PVT1: variants seen among roughly 807,000 people sequenced by gnomAD.
PVT1 encodes CXCR4/PVT1 fusion.
intron 2 of PVT1, among the ~76,000 whole-genome samples, chr8:127,856,136 TTTCCATACCTGCC>T (rs1815157319): frequency 6.6e-6 from 1 of 152,162 alleles, no homozygotes; most frequent in Non-Finnish European, 1.5e-5. Flanking sequence ...AAAGGAAGAA[TTTCCATACCTGCC>T]CTCTACCCAA....
chr8:127,915,169 A>G (rs1392911335), intron 3 of PVT1, among the ~76,000 whole-genome samples: 2 of 151,954 alleles, frequency 1.3e-5, no homozygotes, highest in Non-Finnish European at 2.9e-5. Context: ...ATGTTTTGGA[A>G]CCAGATAGAC....
intron 4 of PVT1, among the ~76,000 whole-genome samples, chr8:128,067,474 G>A (rs996897783): frequency 2.0e-5 from 3 of 152,144 alleles, no homozygotes; most frequent in African/African-American, 7.2e-5. Flanking sequence ...CTAATCAAAA[G>A]GTCTATATTG....
intron 2 of PVT1, among the ~76,000 whole-genome samples, chr8:127,862,653 C>T (rs1586411480): frequency 1.3e-5 from 2 of 152,236 alleles, no homozygotes; most frequent in Non-Finnish European, 2.9e-5. Flanking sequence ...AACTCCTGGC[C>T]TCGGGCAATC....
chr8:127,814,537 T>C (rs1814637681), intron 2 of PVT1, among the ~76,000 whole-genome samples: 1 of 152,246 alleles, frequency 6.6e-6, no homozygotes, highest in South Asian at 2.1e-4. Flanking sequence ...CTGCAGGTTT[T>C]GGCTAATTTA....
chr8:127,827,327 C>T (rs1180356900), intron 2 of PVT1, among the ~76,000 whole-genome samples: 2 of 150,766 alleles, frequency 1.3e-5, no homozygotes, highest in East Asian at 3.9e-4. Flanking sequence ...CTCACATGGA[C>T]TGTCTGCTGT....
At chr8:127,811,959 C>A (rs942542385) in intron 2 of PVT1, among the ~76,000 whole-genome samples, 2 of 151,860 alleles carry the variant, frequency 1.3e-5, no homozygotes, top group Non-Finnish European at 2.9e-5. Flanking sequence ...AAGAAATGAA[C>A]CTTCAGGTGT....
chr8:128,003,383 T>C (rs1817207679), intron 4 of PVT1, among the ~76,000 whole-genome samples: 1 of 151,828 alleles, frequency 6.6e-6, no homozygotes, highest in Admixed American at 6.6e-5. Context: ...CTTCTCTTTG[T>C]TGTCCAGGCT....
At chr8:128,069,384 A>G (rs1563679844) in intron 4 of PVT1, among the ~76,000 whole-genome samples, 1 of 152,178 alleles carries the variant, frequency 6.6e-6, no homozygotes, top group Non-Finnish European at 1.5e-5. Flanking sequence ...CCCATGTTCC[A>G]CTAGGAATGA....
chr8:128,060,121 C>T (rs137865023), intron 4 of PVT1, among the ~76,000 whole-genome samples: 7,105 of 152,052 alleles, frequency 0.047, 268 homozygotes, highest in African/African-American at 0.1. Context: ...CTGGGTGTGG[C>T]AGCGTGCACC....
chr8:127,910,856 A>G (rs909735401), intron 3 of PVT1, among the ~76,000 whole-genome samples: 2 of 151,726 alleles, frequency 1.3e-5, no homozygotes, highest in Non-Finnish European at 2.9e-5. Flanking sequence ...AGTTTGTGCT[A>G]TTAACCATTA....
intron 4 of PVT1, among the ~76,000 whole-genome samples, chr8:127,994,909 A>G (rs1817088074): frequency 6.6e-6 from 1 of 152,222 alleles, no homozygotes; most frequent in African/African-American, 2.4e-5. Flanking sequence ...ATGAGGCCCA[A>G]CCCACATTGA....
At chr8:127,854,286 G>A (rs1487429608) in intron 2 of PVT1, among the ~76,000 whole-genome samples, 4 of 152,212 alleles carry the variant, frequency 2.6e-5, no homozygotes, top group Non-Finnish European at 4.4e-5. Flanking sequence ...ACTCGAGCCC[G>A]GCCTGCCTGG....
At chr8:128,042,065 G>A (rs1208883896) in intron 4 of PVT1, among the ~76,000 whole-genome samples, 1 of 152,200 alleles carries the variant, frequency 6.6e-6, no homozygotes, top group Non-Finnish European at 1.5e-5. Context: ...TCTTGGTACT[G>A]AGTAATCCCG....
At chr8:128,023,819 A>G (rs1259691857) in intron 4 of PVT1, among the ~76,000 whole-genome samples, 2 of 152,334 alleles carry the variant, frequency 1.3e-5, no homozygotes, top group East Asian at 3.9e-4. Context: ...CCTGGCTCCA[A>G]GGCAAGCCTG....
intron 3 of PVT1, among the ~76,000 whole-genome samples, chr8:127,911,276 T>G (rs969145530): frequency 2.0e-5 from 3 of 152,230 alleles, no homozygotes; most frequent in Non-Finnish European, 4.4e-5. Context: ...GCCATAGTTT[T>G]CCTGGGCCTG....
rs1034471701 is a variant in PVT1 at position 127,845,899 on chromosome 8, C to T, written n.373-44690C>T. Among the ~76,000 whole-genome samples, 12 of 152,318 alleles carry T rather than the reference C, an allele frequency of 7.9e-5. No homozygotes were observed. The South Asian group carries it at 1.0e-3, about 13-fold the overall frequency. ...TTTTCTCTCTCACTTGAACAAAACTCGGCGGAAAGGTCACTCCTATTTGTC... is the reference window on the plus strand; with the variant it reads ...TTTTCTCTCTCACTTGAACAAAACTTGGCGGAAAGGTCACTCCTATTTGTC... On this transcript the variant is annotated intron_variant and non_coding_transcript_variant, in intron 2 of 10. Transcript: ENST00000651587.
intron 3 of PVT1, chr8:127,891,045 G>C (rs1815594900): frequency 6.6e-6 from 1 of 152,564 alleles, no homozygotes; most frequent in African/African-American, 2.4e-5. Context: ...GGATGTGGCT[G>C]GTGTTCTCAA....
chr8:128,050,215 C>T lies in PVT1; in HGVS notation n.913-19945C>T, dbSNP rs183797668. ...TTTGCTTCCTTCCTGTTGGTGCCCA[C>T]TCTGTTTCCTTCCATCCCTTCCCCA... On this transcript the variant is annotated intron_variant and non_coding_transcript_variant, in intron 4 of 10. Transcript: ENST00000651587. Among the ~76,000 whole-genome samples, 3 of 152,334 alleles carry T rather than the reference C, an allele frequency of 2.0e-5. No individual in the cohort carries two copies. In the East Asian group the frequency reaches 5.8e-4, roughly 29 times the overall value.
rs187552552 is a variant in PVT1, at chr8:127,890,373, C to T, written n.373-216C>T. Among the ~76,000 whole-genome samples, 380 of 152,364 alleles carry T rather than the reference C, an allele frequency of 2.5e-3. 5 individuals are homozygous for T. The highest frequency in any genetic ancestry group is 0.02 in the Admixed American group (304 of 15,304). On this transcript the variant is annotated intron_variant and non_coding_transcript_variant, in intron 2 of 10. Coordinates refer to ENST00000651587, the Ensembl canonical transcript of PVT1. Reference sequence around the variant, plus strand: ...CTGAGGCTATGAGCAGCTGGCAGTTCCCTGTCTGAGAGGTCCTTCGTACCG... The same window carrying T: ...CTGAGGCTATGAGCAGCTGGCAGTTTCCTGTCTGAGAGGTCCTTCGTACCG...
Sources: gnomAD v4.1 joint callset for allele counts (sites outside exome capture counted in the v4.1 genomes callset) on GRCh38, gnomAD v4.1.1 for gene constraint, MANE v1.5 for transcripts, NCBI Gene and HGNC (gene_info 2026-07-23, HGNC 2026-07-21) for gene names.